IQCM: variants seen among roughly 807,000 people sequenced by gnomAD.
The protein encoded by IQCM is IQ motif containing M.
A neutral mutation model predicts 57.6 loss-of-function variants in IQCM; 45 were observed. The observed-to-expected ratio is 0.78, with a 90% CI of 0.62 to 1.00. The LOEUF is 1.00. IQCM is among the 50% of genes least tolerant of loss of function. The probability of loss-of-function intolerance (pLI) is 0.00; values close to 1 mark genes in which losing one functional copy is unlikely to be tolerated. For missense variants in IQCM, 468 were observed against 511.6 expected, an observed-to-expected ratio of 0.91 and a Z score of 0.82; for synonymous variants, 148 against 158.9, an observed-to-expected ratio of 0.93 and a Z score of 0.51.
At chr4:149,378,291 T>C (rs1007679386) in intron 13 of IQCM, among the ~76,000 whole-genome samples, 2 of 152,124 alleles carry the variant, frequency 1.3e-5, no homozygotes, top group Non-Finnish European at 2.9e-5. Context: ...GAAGTGACTT[T>C]GAAACTGGGT....
At chr4:149,567,558 G>A (rs1376505475) in intron 9 of IQCM, among the ~76,000 whole-genome samples, 2 of 151,990 alleles carry the variant, frequency 1.3e-5, no homozygotes, top group Non-Finnish European at 2.9e-5. Context: ...ATGCTGGCCA[G>A]GTGGGTCTTA....
At chr4:149,460,404 T>A (rs1738149707) in intron 12 of IQCM, among the ~76,000 whole-genome samples, 1 of 152,168 alleles carries the variant, frequency 6.6e-6, no homozygotes, top group Non-Finnish European at 1.5e-5. Context: ...CATTAAAAAA[T>A]TTCATAATCT....
At chr4:149,804,531 C>T (rs571520583) in intron 2 of IQCM, among the ~76,000 whole-genome samples, 1 of 152,130 alleles carries the variant, frequency 6.6e-6, no homozygotes, top group Non-Finnish European at 1.5e-5. Flanking sequence ...GAGTTGTTGA[C>T]TTTCAGTTTG....
chr4:149,385,915 T>C (rs978232490), intron 13 of IQCM, among the ~76,000 whole-genome samples: 1 of 152,148 alleles, frequency 6.6e-6, no homozygotes, highest in African/African-American at 2.4e-5. Flanking sequence ...TTTAAATGAA[T>C]ATATTATTGA....
At chr4:149,752,477 G>T (rs1450449856) in intron 2 of IQCM, among the ~76,000 whole-genome samples, 1 of 149,294 alleles carries the variant, frequency 6.7e-6, no homozygotes, top group Admixed American at 6.7e-5. Flanking sequence ...GCTTGAACCT[G>T]GGAGGCAGAG....
chr4:149,593,191 C>T (rs556300389), intron 8 of IQCM, among the ~76,000 whole-genome samples: 10 of 152,092 alleles, frequency 6.6e-5, no homozygotes, highest in African/African-American at 1.7e-4. Flanking sequence ...TAATTGGATT[C>T]CTAGGTATTT....
At chr4:149,550,323 C>T (rs1748904195) in intron 11 of IQCM, among the ~76,000 whole-genome samples, 1 of 152,156 alleles carries the variant, frequency 6.6e-6, no homozygotes, top group Non-Finnish European at 1.5e-5. Context: ...TTTCTTCATT[C>T]CATTAACAGT....
At chr4:149,698,667 T>C (rs1053599567) in intron 5 of IQCM, among the ~76,000 whole-genome samples, 20 of 152,070 alleles carry the variant, frequency 1.3e-4, no homozygotes, top group East Asian at 5.8e-4. Flanking sequence ...ATAAAGACAA[T>C]GTAATGAAAA....
chr4:149,530,831 G>A (rs543641841), intron 12 of IQCM, among the ~76,000 whole-genome samples: 1 of 102,768 alleles, frequency 9.7e-6, no homozygotes, highest in Admixed American at 1.6e-4. Flanking sequence ...CACACTAATT[G>A]CGTTCAGTTA....
chr4:149,446,911 T>C (rs1331436518), intron 12 of IQCM, among the ~76,000 whole-genome samples: 1 of 151,506 alleles, frequency 6.6e-6, no homozygotes, highest in Non-Finnish European at 1.5e-5. Flanking sequence ...TAACTCACGA[T>C]GTTAAAAGAG....
chr4:149,626,077 G>T (rs1756769099), intron 7 of IQCM, among the ~76,000 whole-genome samples: 2 of 152,012 alleles, frequency 1.3e-5, no homozygotes, highest in Non-Finnish European at 2.9e-5. Flanking sequence ...GTCTGTGAGG[G>T]TGTTGCCAAA....
chr4:149,730,119 A>G (rs1766325032), intron 5 of IQCM, among the ~76,000 whole-genome samples: 1 of 152,146 alleles, frequency 6.6e-6, no homozygotes. Flanking sequence ...TGCATCTCCA[A>G]CCTTCTAATT....
At chr4:149,640,158 T>C (rs1220679008) in intron 7 of IQCM, among the ~76,000 whole-genome samples, 2 of 152,190 alleles carry the variant, frequency 1.3e-5, no homozygotes, top group African/African-American at 4.8e-5. Flanking sequence ...ATTTAAAAAA[T>C]GTGTGGGTAC....
chr4:149,813,847 C>T (rs1363038385), intron 2 of IQCM, among the ~76,000 whole-genome samples: 1 of 152,008 alleles, frequency 6.6e-6, no homozygotes, highest in African/African-American at 2.4e-5. Context: ...ATTATTATTC[C>T]AGAGTCCTTA....
intron 10 of IQCM, among the ~76,000 whole-genome samples, chr4:149,557,313 A>T (rs1441594239): frequency 6.6e-6 from 1 of 152,198 alleles, no homozygotes; most frequent in African/African-American, 2.4e-5. Flanking sequence ...CTGGAGCTAG[A>T]CAGCCTTATG....
intron 5 of IQCM, among the ~76,000 whole-genome samples, chr4:149,715,017 C>A (rs1580102434): frequency 6.6e-6 from 1 of 152,198 alleles, no homozygotes; most frequent in East Asian, 1.9e-4. Context: ...CAGTTAACTT[C>A]ACGTAACTAA....
chr4:149,590,247 C>CTTTTTTTTTTTTTTTTTTTTTTCTT (rs71596214), intron 8 of IQCM, among the ~76,000 whole-genome samples: 2 of 73,628 alleles, frequency 2.7e-5, no homozygotes, highest in African/African-American at 5.4e-5. Context: ...TTTTTCTTTC[C>CTTTTTTTTTTTTTTTTTTTTTTCTT]TTTTTTTTTT....
chr4:149,461,988 C>A (rs915483720), intron 12 of IQCM, among the ~76,000 whole-genome samples: 4 of 152,024 alleles, frequency 2.6e-5, no homozygotes, highest in Non-Finnish European at 4.4e-5. Flanking sequence ...GGTCCCCTAT[C>A]CTATCCTATA....
chr4:149,493,549 A>G (rs182242175), intron 12 of IQCM, among the ~76,000 whole-genome samples: 1 of 152,174 alleles, frequency 6.6e-6, no homozygotes, highest in Non-Finnish European at 1.5e-5. Context: ...AATTGCCTCT[A>G]ACTATGTGGT....
Sources: gnomAD v4.1 joint callset for allele counts (sites outside exome capture counted in the v4.1 genomes callset) on GRCh38, gnomAD v4.1.1 for gene constraint, MANE v1.5 for transcripts, NCBI Gene and HGNC (gene_info 2026-07-23, HGNC 2026-07-21) for gene names.